GPR161: variants seen among roughly 807,000 people sequenced by gnomAD.
The protein encoded by GPR161 is G protein-coupled receptor 161.
Under a neutral mutation model 39.2 loss-of-function variants are expected in GPR161, and 25 were observed. The ratio of observed to expected loss-of-function variants is 0.64; its 90% CI spans 0.47 to 0.89. GPR161 has a LOEUF of 0.89. GPR161 is among the 40% of genes least tolerant of loss of function. GPR161 has a pLI of 0.00. For synonymous variants in GPR161, 286 were observed against 276.6 expected, an observed-to-expected ratio of 1.03 and a Z score of -0.34; for missense variants, 547 against 677.8, an observed-to-expected ratio of 0.81 and a Z score of 2.14.
chr1:168,091,259 G>C (rs559263491), intron 3 of GPR161, among the ~76,000 whole-genome samples: 5 of 152,304 alleles, frequency 3.3e-5, no homozygotes, highest in African/African-American at 1.2e-4. Flanking sequence ...TCTTCTCCAG[G>C]CTAGGCCTCG....
rs1198121121 is a variant in GPR161 at position 168,080,189 on chromosome 1, A to G, written c.*5342T>C. On this transcript the variant is annotated 3_prime_UTR_variant, in exon 6 of 6. Coordinates refer to ENST00000682931, the MANE Select transcript of GPR161 (RefSeq NM_001375883.1). The stretch of plus-strand genomic sequence containing the variant: ...CCTTCAGTTTTTTTTAGGTCTGGCC[A>G]GCAGATATTAATATCTCCCAAGATC... 1 of 152,146 alleles carries G rather than the reference A, an allele frequency of 6.6e-6. No individual in the cohort carries two copies. The highest frequency in any genetic ancestry group is 1.5e-5 in the Non-Finnish European group (1 of 68,022). The allele number at this position is 152,146 out of a possible 1,614,324, so 9.4% of individuals were successfully genotyped here. A position where few individuals can be genotyped will look rare whatever the true frequency, so the allele number is the denominator to read the frequency against.
chr1:168,136,120 C>T, intron 1 of GPR161: 1 of 1,260,902 alleles, frequency 7.9e-7, no homozygotes, highest in Non-Finnish European at 1.0e-6. Context: ...AAGAACCAGC[C>T]GAATCTCCCT....
At chr1:168,092,089 G>A (rs1393722059) in intron 3 of GPR161, among the ~76,000 whole-genome samples, 3 of 152,286 alleles carry the variant, frequency 2.0e-5, no homozygotes, top group East Asian at 1.9e-4. Context: ...CTTCCCTCTC[G>A]CTGCTTTTGG....
chr1:168,136,079 C>T, intron 1 of GPR161: 16 of 1,256,684 alleles, frequency 1.3e-5, no homozygotes, highest in Non-Finnish European at 1.6e-5. Context: ...GCCCAGAAGG[C>T]GCCGAGGGCT....
At chr1:168,109,516 G>C (rs1696927053) in intron 1 of GPR161, among the ~76,000 whole-genome samples, 1 of 152,154 alleles carries the variant, frequency 6.6e-6, no homozygotes. Flanking sequence ...GGTTCTAGAA[G>C]GGATTTCTCC....
intron 1 of GPR161, among the ~76,000 whole-genome samples, chr1:168,107,803 T>G (rs1696742025): frequency 6.6e-6 from 1 of 152,162 alleles, no homozygotes; most frequent in Non-Finnish European, 1.5e-5. Flanking sequence ...ATTTCTTTCT[T>G]TTCAGACCAG....
chr1:168,121,512 C>T lies in GPR161; in HGVS notation c.-45+15227G>A, dbSNP rs538246737. On this transcript the variant is annotated intron_variant, in intron 1 of 5. Coordinates refer to ENST00000682931, the MANE Select transcript of GPR161 (RefSeq NM_001375883.1). ...ACCCCTTCATGTTTCCCAGTCAGCACAGACAGTGGAGGTCCACGTCAACCT... is the reference window on the plus strand; with the variant it reads ...ACCCCTTCATGTTTCCCAGTCAGCATAGACAGTGGAGGTCCACGTCAACCT... Among the ~76,000 whole-genome samples the T allele has an allele frequency of 3.9e-5, 6 of 152,260 alleles. No individual in the cohort carries two copies. The South Asian group carries it at 1.0e-3, about 26-fold the overall frequency.
intron 1 of GPR161, among the ~76,000 whole-genome samples, chr1:168,109,784 T>C (rs984193888): frequency 1.3e-5 from 2 of 152,060 alleles, no homozygotes; most frequent in African/African-American, 4.8e-5. Context: ...TTGGTCAACA[T>C]GGTGAAACTC....
chr1:168,085,979 G>A (rs1383488271), intron 5 of GPR161, among the ~76,000 whole-genome samples, 183 bp from the exon 6 acceptor site: 1 of 152,050 alleles, frequency 6.6e-6, no homozygotes, highest in Non-Finnish European at 1.5e-5. Flanking sequence ...GGGAAATCTT[G>A]GAAAAAGTAT....
chr1:168,104,631 A>T lies in GPR161; in HGVS notation c.220T>A (p.Phe74Ile). 1 of 1,614,164 alleles carries T rather than the reference A, an allele frequency of 6.2e-7. No homozygotes were observed. The highest frequency in any genetic ancestry group is 8.5e-7 in the Non-Finnish European group (1 of 1,179,990). ...KFVFSLTLSN[F>I]LLSVLVLPFV... is the part of the protein sequence containing the mutation. ...GGCAGCACCAACACGGACAGCAGGA[A>T]GTTGGACAGAGTCAGGCTGAAGACG... Residue 74 changes from phenylalanine to isoleucine, a missense_variant, in exon 2 of 6, where the codon TTC (phenylalanine) becomes ATC (isoleucine). Physicochemically the swap from Phe to Ile is conservative, Grantham distance 21. Transcript: ENST00000682931.
intron 5 of GPR161, 27 bp downstream of exon 5, chr1:168,087,558 T>C (rs901120526): frequency 1.9e-6 from 3 of 1,613,376 alleles, no homozygotes; most frequent in African/African-American, 2.7e-5. Flanking sequence ...CTATGTTTTC[T>C]TGAAGCAATC....
chr1:168,125,978 C>T (rs539500370), intron 1 of GPR161, among the ~76,000 whole-genome samples: 38 of 152,290 alleles, frequency 2.5e-4, no homozygotes, highest in African/African-American at 8.4e-4. Flanking sequence ...ATTCCCAAAC[C>T]GTGGGTGGCA....
intron 5 of GPR161, 57 bp from the exon 6 acceptor site, chr1:168,085,853 TGG>T (rs752921952): frequency 1.3e-6 from 2 of 1,493,448 alleles, no homozygotes; most frequent in Non-Finnish European, 1.8e-6. Context: ...GGGACTACCT[TGG>T]GGACAAGCCT....
intron 3 of GPR161, among the ~76,000 whole-genome samples, chr1:168,095,638 GC>G (rs913952982): frequency 6.6e-6 from 1 of 152,118 alleles, no homozygotes; most frequent in African/African-American, 2.4e-5. Context: ...CTGAGGTTTG[GC>G]ATGGACACCC....
At chr1:168,116,581 G>A (rs910581825) in intron 1 of GPR161, among the ~76,000 whole-genome samples, 5 of 152,186 alleles carry the variant, frequency 3.3e-5, no homozygotes, top group Non-Finnish European at 5.9e-5. Context: ...CACACAGCTC[G>A]TTGAGAGGCA....
chr1:168,119,816 C>G (rs758568520), intron 1 of GPR161, among the ~76,000 whole-genome samples: 1 of 151,904 alleles, frequency 6.6e-6, no homozygotes, highest in Non-Finnish European at 1.5e-5. Context: ...GTGCAAGCCC[C>G]AAGCCGTGGC....
chr1:168,113,507 C>T (rs976972200), intron 1 of GPR161, among the ~76,000 whole-genome samples: 3 of 152,202 alleles, frequency 2.0e-5, no homozygotes, highest in Admixed American at 6.5e-5. Context: ...GATTAGACCA[C>T]TGGCAACGGC....
At chr1:168,097,938 T>C (rs61001217) in intron 2 of GPR161, among the ~76,000 whole-genome samples, 4,866 of 152,290 alleles carry the variant, frequency 0.032, 271 homozygotes, top group African/African-American at 0.11. Context: ...CAATCCCCAG[T>C]GCACACGCCC....
chr1:168,095,927 G>C (rs185548507), intron 3 of GPR161, among the ~76,000 whole-genome samples: 147 of 152,136 alleles, frequency 9.7e-4, no homozygotes, highest in African/African-American at 3.3e-3. Context: ...TTGAGGTCAG[G>C]AGTTTGAGAC....
Sources: allele counts gnomAD v4.1 joint callset (sites outside exome capture counted in the v4.1 genomes callset), GRCh38; gene constraint gnomAD v4.1.1; transcripts MANE v1.5; gene names NCBI Gene and HGNC (gene_info 2026-07-23, HGNC 2026-07-21).